Variants in VGLL4 observed in about 807,000 individuals in gnomAD.
The protein encoded by VGLL4 is transcription cofactor vestigial-like protein 4.
VGLL4 carries 7 observed loss-of-function variants against 21.0 expected under a neutral mutation model. The observed-to-expected ratio is 0.33, with a 90% CI of 0.19 to 0.63. VGLL4 has a LOEUF of 0.63. VGLL4 is among the 20% of genes least tolerant of loss of function. The pLI is 0.78. For synonymous variants in VGLL4, 222 were observed against 173.2 expected, an observed-to-expected ratio of 1.28 and a Z score of -2.21; for missense variants, 394 against 425.7, an observed-to-expected ratio of 0.93 and a Z score of 0.66.
At chr3:11,618,864 G>T (rs867413471) in intron 1 of VGLL4, among the ~76,000 whole-genome samples, 5 of 152,112 alleles carry the variant, frequency 3.3e-5, no homozygotes, top group Non-Finnish European at 1.5e-5. Flanking sequence ...TGGGGATGTT[G>T]CTTACTTTTC....
intron 1 of VGLL4, among the ~76,000 whole-genome samples, chr3:11,642,775 C>T (rs2075719638): frequency 6.6e-6 from 1 of 152,230 alleles, no homozygotes; most frequent in Non-Finnish European, 1.5e-5. Flanking sequence ...TTTTTCAGGG[C>T]AGGCTGGGGG....
At chr3:11,652,690 G>A (rs1207521947) in intron 2 of VGLL4, among the ~76,000 whole-genome samples, 2 of 152,118 alleles carry the variant, frequency 1.3e-5, no homozygotes, top group Non-Finnish European at 2.9e-5. Context: ...CAAAGTACTG[G>A]GACTACAGGC....
chr3:11,572,941 G>A (rs2073832592), intron 2 of VGLL4, among the ~76,000 whole-genome samples: 1 of 152,056 alleles, frequency 6.6e-6, no homozygotes, highest in African/African-American at 2.4e-5. Flanking sequence ...GCCGAGACAG[G>A]TGGATCACCT....
At chr3:11,687,606 G>A (rs1000419964) in intron 2 of VGLL4, among the ~76,000 whole-genome samples, 2 of 151,966 alleles carry the variant, frequency 1.3e-5, no homozygotes, top group African/African-American at 4.8e-5. Flanking sequence ...CACTGTACCC[G>A]GCCCTGAGAC....
chr3:11,565,029 AG>A lies in VGLL4; in HGVS notation c.273-11del. On this transcript the variant is annotated splice_polypyrimidine_tract_variant and intron_variant, in intron 2 of 4. Coordinates refer to ENST00000430365, the MANE Select transcript of VGLL4 (RefSeq NM_001128219.3). The surrounding 1 kb of genome is among the most constrained non-coding windows in gnomAD (Gnocchi z 4.1). The stretch of plus-strand genomic sequence containing the variant: ...ATTGGCAGTCTTGTTCCTGAAAAAG[AG>A]GAATGGGCATTCAGGGGGCGTTTTC... 1 of 1,471,982 alleles carries A rather than the reference AG, an allele frequency of 6.8e-7. No individual in the cohort carries two copies. 91.2% of individuals were successfully genotyped at this position (1,471,982 alleles called of 1,614,324 possible). A position where few individuals can be genotyped will look rare whatever the true frequency, so the allele number is the denominator to read the frequency against.
chr3:11,669,863 T>G (rs1026540698), intron 2 of VGLL4, among the ~76,000 whole-genome samples: 2 of 152,090 alleles, frequency 1.3e-5, no homozygotes, highest in Non-Finnish European at 2.9e-5. Flanking sequence ...TAATTTTTTG[T>G]AGAGATAGGG....
chr3:11,681,954 C>T (rs572895417), intron 2 of VGLL4, among the ~76,000 whole-genome samples: 15 of 152,292 alleles, frequency 9.8e-5, no homozygotes, highest in African/African-American at 3.6e-4. Context: ...AAGTGGGACA[C>T]AGTTAAAAAT....
At chr3:11,716,881 C>T (rs1415638420) in intron 1 of VGLL4, among the ~76,000 whole-genome samples, 1 of 152,024 alleles carries the variant, frequency 6.6e-6, no homozygotes, top group Non-Finnish European at 1.5e-5. Context: ...ATTAAACACC[C>T]ACCCATAGCT....
chr3:11,564,871 G>C lies in VGLL4; in HGVS notation c.421C>G (p.Leu141Val). The change falls in exon 3 of 5, where the codon CTG (leucine) becomes GTG (valine). Residue 141 changes from leucine to valine, a missense_variant. By Grantham distance (32) the Leu-to-Val change is conservative. Coordinates refer to ENST00000430365, the MANE Select transcript of VGLL4 (RefSeq NM_001128219.3). Reference protein sequence around the residue: ...PSLGLEQPLALTKNSLDASRP... With the variant: ...PSLGLEQPLAVTKNSLDASRP... ...CTGGCGTCCAGGCTGTTCTTGGTCA[G>C]TGCGAGGGGCTGCTCCAGGCCAAGG... 1.2e-6 allele frequency: 2 copies of C among 1,608,922 alleles called. No individual in the cohort carries two copies. The highest frequency in any genetic ancestry group is 1.1e-5 in the South Asian group (1 of 90,526).
chr3:11,624,527 T>C (rs960311229), intron 1 of VGLL4, among the ~76,000 whole-genome samples: 7 of 149,980 alleles, frequency 4.7e-5, no homozygotes, highest in Non-Finnish European at 1.0e-4. Context: ...CTTTCTCTAA[T>C]TTTTTTTTTA....
rs141204991 is a variant in VGLL4 at position 11,660,023 on chromosome 3, G to A, written c.64+42948C>T. Among the ~76,000 whole-genome samples the A allele has an allele frequency of 2.1e-3, 319 of 152,196 alleles. 1 individual carries two copies. The highest frequency in any genetic ancestry group is 7.3e-3 in the African/African-American group (303 of 41,544). On this transcript the variant is annotated intron_variant, in intron 2 of 5. Coordinates refer to the VGLL4 transcript ENST00000273038. ...AAAAAATATAAAGAATTAGCCGGGC[G>A]TGGTGGTGGGCACCTGTAGTCCCAG... is the stretch of plus-strand genomic sequence containing the variant.
chr3:11,658,575 C>T (rs1427023083), intron 2 of VGLL4, among the ~76,000 whole-genome samples: 1 of 145,128 alleles, frequency 6.9e-6, no homozygotes, highest in Non-Finnish European at 1.5e-5. Flanking sequence ...ATTAAAGAGC[C>T]AGCTGACAAT....
chr3:11,570,176 G>A (rs1353363947), intron 2 of VGLL4, among the ~76,000 whole-genome samples: 1 of 152,036 alleles, frequency 6.6e-6, no homozygotes, highest in Non-Finnish European at 1.5e-5. Context: ...GCCTAGACAT[G>A]CTGCCCACCA....
intron 2 of VGLL4, among the ~76,000 whole-genome samples, chr3:11,676,894 C>G (rs908049418): frequency 9.9e-5 from 15 of 152,068 alleles, no homozygotes; most frequent in African/African-American, 3.6e-4. Context: ...TGGTTTAAAG[C>G]ATTTGATCAC....
intron 2 of VGLL4, among the ~76,000 whole-genome samples, chr3:11,681,494 A>G (rs1405703758): frequency 6.6e-6 from 1 of 152,238 alleles, no homozygotes; most frequent in Non-Finnish European, 1.5e-5. Context: ...CCGTCGGCTC[A>G]TGGAGGAGCT....
At chr3:11,713,261 G>A (rs1369880606) in intron 1 of VGLL4, among the ~76,000 whole-genome samples, 1 of 152,110 alleles carries the variant, frequency 6.6e-6, no homozygotes, top group East Asian at 1.9e-4. Flanking sequence ...CTAAATAGAA[G>A]CCAGCCCTTA....
At chr3:11,591,648 C>G (rs1274200744) in intron 2 of VGLL4, among the ~76,000 whole-genome samples, 7 of 152,218 alleles carry the variant, frequency 4.6e-5, no homozygotes, top group Admixed American at 4.6e-4. Context: ...AACAAGAAAC[C>G]CACACAACAC....
In VGLL4 at chr3:11,719,059, ACTGGGTG is replaced by A. The variant is rs1464543060; in HGVS notation, c.-14+1328_-14+1334del. On this transcript the variant is annotated intron_variant, in intron 1 of 5. Coordinates refer to the VGLL4 transcript ENST00000273038. The surrounding 1 kb of genome is among the most constrained non-coding windows in gnomAD (Gnocchi z 4.0). ...CCCTGTGCTCTTCCGCGAGGCCTGC[ACTGGGTG>A]CAGGGAGAGTGTGCAGTCCTGTTTT... Among the ~76,000 whole-genome samples the A allele has an allele frequency of 6.6e-6, 1 of 152,178 alleles. No homozygotes were observed. The highest frequency in any genetic ancestry group is 1.5e-5 in the Non-Finnish European group (1 of 68,024).
chr3:11,711,671 C>T (rs1396714952), intron 1 of VGLL4, among the ~76,000 whole-genome samples: 1 of 152,004 alleles, frequency 6.6e-6, no homozygotes, highest in Non-Finnish European at 1.5e-5. Flanking sequence ...GAGCTGAGAT[C>T]ACGCCACTGT....
Sources: allele counts gnomAD v4.1 joint callset (sites outside exome capture counted in the v4.1 genomes callset), GRCh38; gene constraint gnomAD v4.1.1; non-coding constraint Gnocchi (gnomAD v3.1); transcripts MANE v1.5; gene names NCBI Gene and HGNC (gene_info 2026-07-23, HGNC 2026-07-21).